The following GIMAP8 variants were observed in gnomAD, a reference collection of about 807,000 sequenced individuals.
GIMAP8 encodes GTPase, IMAP family member 8, also known as GTPase IMAP family member 8.
GIMAP8 carries 29 observed loss-of-function variants against 35.6 expected under a neutral mutation model. The observed-to-expected ratio is 0.81, with a 90% confidence interval of 0.61 to 1.11. The LOEUF (loss-of-function observed/expected upper bound fraction) is 1.11. Ranked by LOEUF, GIMAP8 falls within the 50% of genes most tolerant of loss-of-function variation. GIMAP8 has a pLI of 0.00. For synonymous variants in GIMAP8, 335 were observed against 308.7 expected (o/e 1.09, Z -0.89); for missense variants, 811 against 805.0 (o/e 1.01, Z -0.09).
intron 1 of GIMAP8, among the ~76,000 whole-genome samples, chr7:150,453,814 C>G (rs1801671428): frequency 7.0e-6 from 1 of 143,778 alleles, no homozygotes; most frequent in African/African-American, 2.6e-5. Flanking sequence ...GCGGGGGGCA[C>G]AGAGGAGTCA....
At position 150,472,537 on chromosome 7, in the gene GIMAP8, A is replaced by T. The variant is rs547080702; in HGVS notation, c.683-1475A>T. ...GCCATGGCCTTGCTGTGGAGGCCAG[A>T]CCAGCTCCTGGCTCTCAAGGGCTAT... On this transcript the variant is annotated intron_variant, in intron 3 of 4. Transcript: ENST00000307271. This position sits in a 1 kb window ranked among gnomAD's most constrained non-coding sequence, Gnocchi z 4.1. Among the ~76,000 whole-genome samples, 1 of 152,210 alleles carries T rather than the reference A, an allele frequency of 6.6e-6. No homozygotes were observed. The highest frequency in any genetic ancestry group is 1.5e-5 in the Non-Finnish European group (1 of 68,034).
At chr7:150,476,812 A>G (rs1802238455) in intron 4 of GIMAP8, among the ~76,000 whole-genome samples, 1 of 152,060 alleles carries the variant, frequency 6.6e-6, no homozygotes, top group Non-Finnish European at 1.5e-5. Context: ...GCAAAAAGGG[A>G]GCAGAGCCGA....
At chr7:150,470,991 T>A in intron 3 of GIMAP8, 117 bp downstream of exon 3, 1 of 776,710 alleles carries the variant, frequency 1.3e-6, no homozygotes, top group Non-Finnish European at 2.2e-6. Context: ...CCTGGGGACC[T>A]AGCTGAGGTT....
rs1350570705 is a variant in GIMAP8 at position 150,451,700 on chromosome 7, G to GC, written c.-29+526dup. 4.6e-5 allele frequency among the ~76,000 whole-genome samples: 7 copies of GC among 152,340 alleles called. No individual in the cohort carries two copies. Among genetic ancestry groups the GC allele is most frequent in the African/African-American group, 1.7e-4 (7 of 41,580 alleles). On this transcript the variant is annotated intron_variant, in intron 1 of 4. Transcript: ENST00000307271. This position sits in a 1 kb window ranked among gnomAD's most constrained non-coding sequence, Gnocchi z 4.1. ...AAGCCAGCGGAGCTCCTCCCGCAAA[G>GC]CAGGGGGTGGGGGATGCTGATTTTT...
chr7:150,477,449 T>TTACGAAA lies in GIMAP8; in HGVS notation c.1672_1678dup (p.Ala560GlufsTer27). 1.2e-6 allele frequency: 2 copies of TTACGAAA among 1,613,694 alleles called. No individual in the cohort carries two copies. Among genetic ancestry groups the TTACGAAA allele is most frequent in the Non-Finnish European group, 1.7e-6 (2 of 1,179,602 alleles). ...CTGGAGGCCATCTTTGGAGCAGACT[T>TTACGAAA]TACGAAATACGCGATTATGCTGTTC... On this transcript the variant is annotated frameshift_variant, in exon 5 of 5. Coordinates refer to ENST00000307271, the MANE Select transcript of GIMAP8 (RefSeq NM_175571.4). LOFTEE classifies it low-confidence loss of function (END_TRUNC).
intron 1 of GIMAP8, among the ~76,000 whole-genome samples, chr7:150,466,374 T>G (rs1801956572): frequency 6.6e-6 from 1 of 152,130 alleles, no homozygotes; most frequent in Admixed American, 6.5e-5. Flanking sequence ...TTCCTTCAAC[T>G]TTGAAACATG....
rs565804680 is a variant in GIMAP8 at position 150,468,165 on chromosome 7, G to C, written c.636+831G>C. Among the ~76,000 whole-genome samples the C allele has an allele frequency of 3.7e-4, 56 of 152,168 alleles. 2 individuals carry two copies. The highest frequency in any genetic ancestry group is 1.3e-3 in the African/African-American group (54 of 41,504). Reference sequence around the variant, plus strand: ...CTCTCCATCCCACTCCCACCACCTGGTCCAAGCCTACATCGTTTCTTGCCT... The same window carrying C: ...CTCTCCATCCCACTCCCACCACCTGCTCCAAGCCTACATCGTTTCTTGCCT... On this transcript the variant is annotated intron_variant, in intron 2 of 4. Coordinates refer to ENST00000307271, the MANE Select transcript of GIMAP8 (RefSeq NM_175571.4).
At position 150,475,014 on chromosome 7, in the gene GIMAP8, G is replaced by T. The variant is rs148567867; in HGVS notation, c.1309+376G>T. 8.8e-3 allele frequency among the ~76,000 whole-genome samples: 1,341 copies of T among 152,206 alleles called. 19 individuals carry two copies. The highest frequency in any genetic ancestry group is 0.023 in the East Asian group (118 of 5,178). On this transcript the variant is annotated intron_variant, in intron 4 of 4. Coordinates refer to ENST00000307271, the MANE Select transcript of GIMAP8 (RefSeq NM_175571.4). ...CTTGCGATAGTTTACTGAGAATGAT[G>T]ATTTCCAATTTCATCCATGTCCCTT...
At position 150,457,774 on chromosome 7, in the gene GIMAP8, C is replaced by T. The variant is rs57614330; in HGVS notation, c.-29+6599C>T. Among the ~76,000 whole-genome samples, 457 of 152,246 alleles carry T rather than the reference C, an allele frequency of 3.0e-3. 3 individuals carry two copies. Among genetic ancestry groups the T allele is most frequent in the African/African-American group, 0.01 (426 of 41,528 alleles). On this transcript the variant is annotated intron_variant, in intron 1 of 4. Coordinates refer to ENST00000307271, the MANE Select transcript of GIMAP8 (RefSeq NM_175571.4). ...AACATTCGTGAAATACTGTTTTACC[C>T]CTGTCAGATTGGCAAGATCTTGAAG...
intron 3 of GIMAP8, among the ~76,000 whole-genome samples, chr7:150,473,060 C>T (rs1301801623): frequency 6.6e-6 from 1 of 152,194 alleles, no homozygotes; most frequent in Non-Finnish European, 1.5e-5. Context: ...CAAGGCAATA[C>T]AGCAAGGGCC....
intron 1 of GIMAP8, among the ~76,000 whole-genome samples, chr7:150,453,503 T>C (rs1421925165): frequency 6.6e-6 from 1 of 152,242 alleles, no homozygotes; most frequent in African/African-American, 2.4e-5. Flanking sequence ...CTCCCCTGAG[T>C]GCCACAGACC....
intron 2 of GIMAP8, among the ~76,000 whole-genome samples, chr7:150,470,484 G>T (rs187857963): frequency 6.6e-6 from 1 of 152,048 alleles, no homozygotes; most frequent in Non-Finnish European, 1.5e-5. Context: ...GCCAGACTTG[G>T]GGGGGTGGGG....
chr7:150,463,294 G>T (rs928298072), intron 1 of GIMAP8, among the ~76,000 whole-genome samples: 1 of 151,708 alleles, frequency 6.6e-6, no homozygotes, highest in East Asian at 1.9e-4. Context: ...TTATATTGTT[G>T]ATGTTCCTTA....
intron 1 of GIMAP8, among the ~76,000 whole-genome samples, chr7:150,456,680 C>T (rs1204271940): frequency 6.6e-6 from 1 of 152,198 alleles, no homozygotes; most frequent in African/African-American, 2.4e-5. Flanking sequence ...ATTCTGTCTA[C>T]AACAGAAAGT....
intron 1 of GIMAP8, among the ~76,000 whole-genome samples, chr7:150,465,935 A>C (rs1307031651): frequency 2.6e-5 from 4 of 152,236 alleles, no homozygotes; most frequent in Non-Finnish European, 5.9e-5. Flanking sequence ...CTTATGGATT[A>C]GGACACTGAG....
rs974145285 is a variant in GIMAP8 at position 150,455,073 on chromosome 7, G to A, written c.-29+3898G>A. 2.0e-5 allele frequency among the ~76,000 whole-genome samples: 3 copies of A among 150,894 alleles called. No individual in the cohort carries two copies. In the East Asian group the frequency reaches 5.8e-4, roughly 29 times the overall value. ...GAATCGCTTGAACCCGGGAGATAGA[G>A]GTTGCAGTGGGCCAAGATCGTGCCA... On this transcript the variant is annotated intron_variant, in intron 1 of 4. Coordinates refer to ENST00000307271, the MANE Select transcript of GIMAP8 (RefSeq NM_175571.4).
chr7:150,455,109 G>C (rs1216219526), intron 1 of GIMAP8, among the ~76,000 whole-genome samples: 1 of 142,434 alleles, frequency 7.0e-6, no homozygotes, highest in African/African-American at 2.6e-5. Flanking sequence ...TTGCACTTCA[G>C]CCTGGGCAAC....
At chr7:150,456,935 T>C (rs1801742638) in intron 1 of GIMAP8, among the ~76,000 whole-genome samples, 1 of 152,082 alleles carries the variant, frequency 6.6e-6, no homozygotes, top group African/African-American at 2.4e-5. Context: ...ATTTTTAAAT[T>C]AAAAAATGCA....
intron 1 of GIMAP8, among the ~76,000 whole-genome samples, chr7:150,464,551 G>A (rs1243954840): frequency 6.6e-6 from 1 of 152,110 alleles, no homozygotes; most frequent in Admixed American, 6.5e-5. Context: ...GGGCATGGTG[G>A]TGTGTGCCTG....
Sources: gnomAD v4.1 joint callset for allele counts (sites outside exome capture counted in the v4.1 genomes callset) on GRCh38, gnomAD v4.1.1 for gene constraint, Gnocchi (gnomAD v3.1) non-coding constraint, MANE v1.5 for transcripts, NCBI Gene and HGNC (gene_info 2026-07-23, HGNC 2026-07-21) for gene names.